GRIP1: variants seen among roughly 807,000 people sequenced by gnomAD.
GRIP1 encodes glutamate receptor interacting protein 1.
Under a neutral mutation model 129.9 loss-of-function variants are expected in GRIP1, and 45 were observed. The observed-to-expected ratio is 0.35, with a 90% CI of 0.27 to 0.44. GRIP1 has a LOEUF of 0.44. GRIP1 is among the 20% of genes least tolerant of loss of function. The pLI is 1.00. For synonymous variants in GRIP1, 530 were observed against 520.8 expected, an observed-to-expected ratio of 1.02 and a Z score of -0.24; for missense variants, 1,196 against 1,396.8, an observed-to-expected ratio of 0.86 and a Z score of 2.29.
chr12:66,985,493 T>TATTTTAAAAAATTATTTTTAAAA, intron 1 of GRIP1, among the ~76,000 whole-genome samples: 1 of 152,176 alleles, frequency 6.6e-6, no homozygotes, highest in Middle Eastern at 3.2e-3. Context: ...TTTTTACTGT[T>TATTTTAAAAAATTATTTTTAAAA]TAAATTTCCT....
At chr12:66,647,585 A>G (rs1313383265) in intron 1 of GRIP1, among the ~76,000 whole-genome samples, 1 of 152,244 alleles carries the variant, frequency 6.6e-6, no homozygotes, top group Non-Finnish European at 1.5e-5. Flanking sequence ...ACTTTTGTCT[A>G]AAGAAATTGA....
chr12:67,001,765 C>T (rs942634988), intron 1 of GRIP1, among the ~76,000 whole-genome samples: 2 of 152,070 alleles, frequency 1.3e-5, no homozygotes. Flanking sequence ...CCCACTGTAC[C>T]TATAGCAGCC....
chr12:67,007,279 A>G (rs929848052), intron 1 of GRIP1, among the ~76,000 whole-genome samples: 1 of 152,226 alleles, frequency 6.6e-6, no homozygotes, highest in East Asian at 1.9e-4. Flanking sequence ...CCAGTGTTCA[A>G]TATGTATCTC....
intron 13 of GRIP1, among the ~76,000 whole-genome samples, chr12:66,435,147 G>A (rs2058263594): frequency 6.6e-6 from 1 of 151,432 alleles, no homozygotes; most frequent in East Asian, 1.9e-4. Context: ...TGGCCCATAA[G>A]TAAATGTGCA....
At chr12:66,456,452 A>G (rs1183007149) in intron 9 of GRIP1, 110 bp from the exon 10 acceptor site, 1 of 524,216 alleles carries the variant, frequency 1.9e-6, no homozygotes, top group African/African-American at 2.0e-5. Flanking sequence ...AACAAAAAAG[A>G]AAGCTGCTTG....
intron 23 of GRIP1, among the ~76,000 whole-genome samples, chr12:66,359,992 T>G (rs746999445): frequency 4.5e-4 from 68 of 152,290 alleles, no homozygotes; most frequent in Non-Finnish European, 7.5e-4. Context: ...TCCAGTTACT[T>G]TCTTACATAT....
chr12:66,740,948 T>C (rs532353212), intron 1 of GRIP1, among the ~76,000 whole-genome samples: 1 of 152,296 alleles, frequency 6.6e-6, no homozygotes, highest in Non-Finnish European at 1.5e-5. Context: ...TGGGCACATA[T>C]GCTTTCAATG....
chr12:66,865,092 T>A (rs1213630564), intron 1 of GRIP1, among the ~76,000 whole-genome samples: 3 of 152,130 alleles, frequency 2.0e-5, no homozygotes, highest in Admixed American at 2.0e-4. Flanking sequence ...TAATTCAACA[T>A]CTGGATAAGG....
At chr12:66,798,960 A>T (rs1332643539) in intron 1 of GRIP1, among the ~76,000 whole-genome samples, 1 of 152,184 alleles carries the variant, frequency 6.6e-6, no homozygotes, top group African/African-American at 2.4e-5. Context: ...CTTAAATATC[A>T]TCAGAAGGCT....
intron 23 of GRIP1, among the ~76,000 whole-genome samples, chr12:66,366,646 T>C (rs1467801714): frequency 2.6e-5 from 4 of 152,228 alleles, no homozygotes; most frequent in African/African-American, 7.2e-5. Flanking sequence ...AAAGCATGAA[T>C]GACAAAGCAA....
chr12:66,381,328 T>G (rs895177689), intron 19 of GRIP1, among the ~76,000 whole-genome samples: 1 of 152,238 alleles, frequency 6.6e-6, no homozygotes, highest in African/African-American at 2.4e-5. Flanking sequence ...CTGTCAAAAG[T>G]GTTGACTTAA....
At chr12:66,692,017 A>G (rs2034999362) in intron 1 of GRIP1, among the ~76,000 whole-genome samples, 1 of 152,202 alleles carries the variant, frequency 6.6e-6, no homozygotes, top group South Asian at 2.1e-4. Flanking sequence ...GAACCATTTG[A>G]TATAATTCAC....
At chr12:66,491,119 T>C (rs1298448005) in intron 7 of GRIP1, among the ~76,000 whole-genome samples, 3 of 152,182 alleles carry the variant, frequency 2.0e-5, no homozygotes, top group Admixed American at 6.6e-5. Context: ...TGTACATGTA[T>C]ACCCAAAGGA....
chr12:66,593,303 G>A lies in GRIP1; in HGVS notation c.136+3544C>T, dbSNP rs531361478. ...ATAAAAGGATTTACGGTTAGAATTGGTATTTAATGAAAGACACATATTTGG... is the reference window on the plus strand; with the variant it reads ...ATAAAAGGATTTACGGTTAGAATTGATATTTAATGAAAGACACATATTTGG... On this transcript the variant is annotated intron_variant, in intron 2 of 24. Transcript: ENST00000359742. 2.8e-4 allele frequency among the ~76,000 whole-genome samples: 42 copies of A among 152,210 alleles called. No individual in the cohort carries two copies. In the East Asian group the frequency reaches 3.1e-3, roughly 11 times the overall value.
At chr12:66,776,173 A>C (rs2037973662) in intron 1 of GRIP1, among the ~76,000 whole-genome samples, 1 of 152,222 alleles carries the variant, frequency 6.6e-6, no homozygotes, top group South Asian at 2.1e-4. Flanking sequence ...ATTGCTGCAT[A>C]GTTTCAAGAT....
intron 7 of GRIP1, among the ~76,000 whole-genome samples, chr12:66,476,971 A>T (rs1281522849): frequency 6.6e-6 from 1 of 152,238 alleles, no homozygotes; most frequent in Non-Finnish European, 1.5e-5. Context: ...CCGGCACAAG[A>T]CAGGGATGCC....
At chr12:67,020,579 A>C (rs1434439753) in intron 1 of GRIP1, among the ~76,000 whole-genome samples, 2 of 151,968 alleles carry the variant, frequency 1.3e-5, no homozygotes, top group Non-Finnish European at 2.9e-5. Flanking sequence ...ATTTTTTAAA[A>C]TGTTTTGTAG....
intron 1 of GRIP1, among the ~76,000 whole-genome samples, chr12:67,068,333 T>G (rs977507728): frequency 6.6e-6 from 1 of 152,160 alleles, no homozygotes; most frequent in African/African-American, 2.4e-5. Context: ...AGCCGCCTTT[T>G]GCAAAGAAAA....
At chr12:67,063,867 A>G (rs2043577454) in intron 1 of GRIP1, among the ~76,000 whole-genome samples, 1 of 152,244 alleles carries the variant, frequency 6.6e-6, no homozygotes, top group South Asian at 2.1e-4. Context: ...TTAGGTAGCC[A>G]GAGTTCAGAT....
Sources: allele counts gnomAD v4.1 joint callset (sites outside exome capture counted in the v4.1 genomes callset), GRCh38; gene constraint gnomAD v4.1.1; transcripts MANE v1.5; gene names NCBI Gene and HGNC (gene_info 2026-07-23, HGNC 2026-07-21).